MAF: variants seen among roughly 807,000 people sequenced by gnomAD.
MAF encodes the protein MAF bZIP transcription factor.
MAF carries 10 observed loss-of-function variants against 22.0 expected under a neutral mutation model. That is an observed-to-expected ratio of 0.45 (90% CI 0.28 to 0.77). MAF has a LOEUF of 0.77. MAF is among the 30% of genes least tolerant of loss of function. The pLI is 0.12. For missense variants in MAF, 544 were observed against 548.4 expected (o/e 0.99, Z 0.08); for synonymous variants, 337 against 255.8 (o/e 1.32, Z -3.03).
At chr16:79,497,853 C>T in the MAF span, among the ~76,000 whole-genome samples, 1 of 152,340 alleles carries the variant, frequency 6.6e-6, no homozygotes, top group South Asian at 2.1e-4. Context: ...AGCGCTGATT[C>T]CTGCAATGCC....
chr16:79,271,206 G>A, the MAF span, among the ~76,000 whole-genome samples: 7 of 151,828 alleles, frequency 4.6e-5, no homozygotes, highest in South Asian at 2.1e-4. Context: ...GTGAGCCACC[G>A]CACCCAGCCA....
the MAF span, among the ~76,000 whole-genome samples, chr16:79,516,905 G>A: frequency 1.3e-5 from 2 of 152,128 alleles, no homozygotes; most frequent in African/African-American, 2.4e-5. Context: ...TTTTTCATAC[G>A]ATTTCTTTAA....
the MAF span, among the ~76,000 whole-genome samples, chr16:79,318,367 G>T: frequency 3.8e-3 from 585 of 152,264 alleles, 15 homozygotes; most frequent in Admixed American, 0.024. Context: ...CCTGGAGGAG[G>T]AGATACATCA....
chr16:79,239,324 A>C, the MAF span, among the ~76,000 whole-genome samples: 6 of 152,018 alleles, frequency 3.9e-5, no homozygotes, highest in Non-Finnish European at 8.8e-5. Flanking sequence ...TTTGCTCAGA[A>C]GTGAGGAGTT....
the MAF span, among the ~76,000 whole-genome samples, chr16:79,420,574 C>T: frequency 2.6e-5 from 4 of 152,296 alleles, no homozygotes; most frequent in East Asian, 7.7e-4. Flanking sequence ...CTAACAACCT[C>T]CCGCACCAGA....
chr16:79,214,703 CTTTTTTTTTTTTTT>C, the MAF span, among the ~76,000 whole-genome samples: 7 of 43,052 alleles, frequency 1.6e-4, no homozygotes, highest in South Asian at 8.9e-4. Flanking sequence ...CTGTGCCTGG[CTTTTTTTTTTTTTT>C]TTTTTTTTTT....
At chr16:79,482,835 C>G in the MAF span, among the ~76,000 whole-genome samples, 563 of 137,132 alleles carry the variant, frequency 4.1e-3, 12 homozygotes, top group South Asian at 0.055. Context: ...CATCATACCC[C>G]CCTCCATCCC....
At position 79,598,835 on chromosome 16, in the gene MAF, GA is replaced by G; in HGVS notation, c.1067del (p.Phe356SerfsTer18). 1 of 1,613,842 alleles carries G rather than the reference GA, an allele frequency of 6.2e-7. No homozygotes were observed. Among genetic ancestry groups the G allele is most frequent in the Non-Finnish European group, 8.5e-7 (1 of 1,179,992 alleles). ...TGTCGCTGCTCGAGCCGTTTTCTCG[GA>G]AGCCGCTGCTCACCAACTTCTCGTA... The part of the protein sequence containing the change: ...EKYEKLVSSG[F>X]RENGSSSDNP... On this transcript the variant is annotated frameshift_variant, in exon 1 of 2. Transcript: ENST00000326043. LOFTEE classifies it high-confidence loss of function.
At chr16:79,390,376 C>G in the MAF span, among the ~76,000 whole-genome samples, 1 of 152,236 alleles carries the variant, frequency 6.6e-6, no homozygotes, top group Admixed American at 6.5e-5. Context: ...GCTTGAAATT[C>G]CTGACCACTT....
chr16:79,245,136 C>T, the MAF span, among the ~76,000 whole-genome samples: 2 of 151,958 alleles, frequency 1.3e-5, no homozygotes. Flanking sequence ...CCAGGCAATA[C>T]CATTCAGGAT....
chr16:79,579,011 T>C, the MAF span, among the ~76,000 whole-genome samples: 1 of 152,164 alleles, frequency 6.6e-6, no homozygotes, highest in Non-Finnish European at 1.5e-5. Context: ...TATTTTACCT[T>C]TGGGTTAGCA....
chr16:79,558,588 G>A, the MAF span, among the ~76,000 whole-genome samples: 1 of 152,180 alleles, frequency 6.6e-6, no homozygotes. Context: ...AACACAAAGA[G>A]AGGGGAGTAT....
the MAF span, among the ~76,000 whole-genome samples, chr16:79,470,768 T>C: frequency 1.3e-5 from 2 of 152,282 alleles, no homozygotes; most frequent in East Asian, 1.9e-4. Flanking sequence ...CCCTCTTGAA[T>C]CTGTTGAATG....
the MAF span, among the ~76,000 whole-genome samples, chr16:79,300,700 T>A: frequency 6.6e-6 from 1 of 151,960 alleles, no homozygotes; most frequent in South Asian, 2.1e-4. Flanking sequence ...TTCTTTTTTT[T>A]TTTCTTTTTT....
the MAF span, among the ~76,000 whole-genome samples, chr16:79,207,546 A>G: frequency 6.6e-6 from 1 of 152,236 alleles, no homozygotes; most frequent in Non-Finnish European, 1.5e-5. Flanking sequence ...CCTGTAAGAA[A>G]GCAATCTTAG....
chr16:79,426,255 C>T, the MAF span, among the ~76,000 whole-genome samples: 7 of 151,886 alleles, frequency 4.6e-5, no homozygotes, highest in South Asian at 2.1e-4. Flanking sequence ...AAATACATGC[C>T]GGATTTCGAA....
In MAF at chr16:79,598,768, T is replaced by A. The variant is rs1322620772; in HGVS notation, c.1118+17A>T. 6.2e-7 allele frequency: 1 copy of A among 1,613,674 alleles called. No individual in the cohort carries two copies. The highest frequency in any genetic ancestry group is 1.7e-5 in the Admixed American group (1 of 60,004). Reference sequence around the variant, plus strand: ...CACTTATCAGGGTGGCTAGCTGGAATCGCGTGTCAGACTCACATGAAAAAC... The same window carrying A: ...CACTTATCAGGGTGGCTAGCTGGAAACGCGTGTCAGACTCACATGAAAAAC... On this transcript the variant is annotated intron_variant, in intron 1 of 1. Transcript: ENST00000326043.
At chr16:79,409,527 T>C in the MAF span, among the ~76,000 whole-genome samples, 1 of 152,346 alleles carries the variant, frequency 6.6e-6, no homozygotes, top group South Asian at 2.1e-4. Context: ...AGCCCGTGTC[T>C]TCACATAACA....
At chr16:79,384,469 A>G in the MAF span, among the ~76,000 whole-genome samples, 71 of 148,430 alleles carry the variant, frequency 4.8e-4, 1 homozygote, top group East Asian at 0.013. Flanking sequence ...AAAAAAAAAA[A>G]GGGAGCGGCC....
Sources: allele counts gnomAD v4.1 joint callset (sites outside exome capture counted in the v4.1 genomes callset), GRCh38; gene constraint gnomAD v4.1.1; transcripts MANE v1.5; gene names NCBI Gene and HGNC (gene_info 2026-07-23, HGNC 2026-07-21).